Variants in MFSD6 observed in about 807,000 individuals in gnomAD.
MFSD6 encodes the protein major facilitator superfamily domain-containing protein 6.
MFSD6 carries 26 observed loss-of-function variants against 56.3 expected under a neutral mutation model. The ratio of observed to expected loss-of-function variants is 0.46; its 90% CI spans 0.34 to 0.64. MFSD6 has a LOEUF of 0.64. Among genes scored for constraint, MFSD6 ranks in the 30% least tolerant of loss-of-function variants. MFSD6 has a pLI of 0.01. For synonymous variants in MFSD6, 331 were observed against 366.9 expected (o/e 0.90, Z 1.12); for missense variants, 750 against 986.2 (o/e 0.76, Z 3.21).
In MFSD6 at chr2:190,435,929, A is replaced by G. The variant is rs1686160971; in HGVS notation, c.-53-48A>G. 8.5e-6 allele frequency: 12 copies of G among 1,414,878 alleles called. No homozygotes were observed. In the South Asian group the frequency reaches 1.5e-4, roughly 17 times the overall value. The allele number at this position is 1,414,878 out of a possible 1,614,324, so 87.6% of individuals were successfully genotyped here. A position where few individuals can be genotyped will look rare whatever the true frequency, so the allele number is the denominator to read the frequency against. Reference sequence around the variant, plus strand: ...CTGCAAGATGAAGTTCTGTGTTTACATGTTATGATTTTCATTACTAAGCCA... The same window carrying G: ...CTGCAAGATGAAGTTCTGTGTTTACGTGTTATGATTTTCATTACTAAGCCA... On this transcript the variant is annotated intron_variant, in intron 2 of 7. Coordinates refer to ENST00000392328, the MANE Select transcript of MFSD6 (RefSeq NM_017694.4).
Position 190,434,932 on chromosome 2 carries a change from G to A in MFSD6, c.-53-1045G>A, listed in dbSNP as rs768584295. On this transcript the variant is annotated intron_variant, in intron 2 of 7. Transcript: ENST00000392328. This position sits in a 1 kb window ranked among gnomAD's most constrained non-coding sequence, Gnocchi z 4.3. The stretch of plus-strand genomic sequence containing the variant: ...AGCTCTTCCTCCTGTCAGATCAGCA[G>A]AGGTATTAGATTTGCATAGGAGCAT... Among the ~76,000 whole-genome samples, 5 of 152,196 alleles carry A rather than the reference G, an allele frequency of 3.3e-5. No homozygotes were observed. The highest frequency in any genetic ancestry group is 7.4e-5 in the Non-Finnish European group (5 of 68,024).
Position 190,488,530 on chromosome 2 carries a change from T to A in MFSD6, c.1631-127T>A, listed in dbSNP as rs1035785319. 4.4e-6 allele frequency: 4 copies of A among 914,760 alleles called. No individual in the cohort carries two copies. The highest frequency in any genetic ancestry group is 3.4e-5 in the African/African-American group (2 of 58,300). 56.7% of individuals were successfully genotyped at this position (914,760 alleles called of 1,614,324 possible). On this transcript the variant is annotated intron_variant, in intron 4 of 7. Coordinates refer to ENST00000392328, the MANE Select transcript of MFSD6 (RefSeq NM_017694.4). This position sits in a 1 kb window ranked among gnomAD's most constrained non-coding sequence, Gnocchi z 6.4. Reference sequence around the variant, plus strand: ...CATTTAAAAATGTGAAAATGGTAAATTTTTAATGTATGTTTTCCCACAACA... The same window carrying A: ...CATTTAAAAATGTGAAAATGGTAAAATTTTAATGTATGTTTTCCCACAACA...
chr2:190,412,835 C>A lies in MFSD6; in HGVS notation c.-175-2457C>A, dbSNP rs988026219. 6.6e-6 allele frequency among the ~76,000 whole-genome samples: 1 copy of A among 152,124 alleles called. No homozygotes were observed. The highest frequency in any genetic ancestry group is 2.4e-5 in the African/African-American group (1 of 41,410). On this transcript the variant is annotated intron_variant, in intron 1 of 7. Transcript: ENST00000392328. The surrounding 1 kb of genome is among the most constrained non-coding windows in gnomAD (Gnocchi z 4.1). ...TTGCTTTGTAGCTGTTTTTGATTGC[C>A]CACATTTGGATGATATTTATTTACT... is the stretch of plus-strand genomic sequence containing the variant.
In MFSD6 at chr2:190,445,343, C is replaced by T. The variant is rs6733400; in HGVS notation, c.1532+7782C>T. Among the ~76,000 whole-genome samples, 1,175 of 151,918 alleles carry T rather than the reference C, an allele frequency of 7.7e-3. 12 individuals carry two copies. The highest frequency in any genetic ancestry group is 0.026 in the African/African-American group (1,082 of 41,418). The stretch of plus-strand genomic sequence containing the variant: ...ATTTGAGTGTTAGTTCCATTTAACT[C>T]ATCAGAGTATTTAAGAAAATGTAGA... On this transcript the variant is annotated intron_variant, in intron 3 of 7. Coordinates refer to ENST00000392328, the MANE Select transcript of MFSD6 (RefSeq NM_017694.4).
At chr2:190,448,958 A>C (rs989408354) in intron 3 of MFSD6, among the ~76,000 whole-genome samples, 2 of 152,216 alleles carry the variant, frequency 1.3e-5, no homozygotes, top group Non-Finnish European at 2.9e-5. Context: ...GTATATGCAT[A>C]TGCATGTGTG....
intron 3 of MFSD6, among the ~76,000 whole-genome samples, chr2:190,453,741 G>T (rs1271132974): frequency 6.6e-6 from 1 of 152,216 alleles, no homozygotes; most frequent in Non-Finnish European, 1.5e-5. Context: ...GGGCATTTCT[G>T]TGGGACTGGA....
chr2:190,485,135 A>G lies in MFSD6; in HGVS notation c.1631-3522A>G, dbSNP rs1574235374. ...AGTCATCCCACTGGAAAATGCTTTA[A>G]TTATCTTAGAACACTCAAAGTTTTA... On this transcript the variant is annotated intron_variant, in intron 4 of 7. Coordinates refer to ENST00000392328, the MANE Select transcript of MFSD6 (RefSeq NM_017694.4). The surrounding 1 kb of genome is among the most constrained non-coding windows in gnomAD (Gnocchi z 5.1). 6.6e-6 allele frequency among the ~76,000 whole-genome samples: 1 copy of G among 152,220 alleles called. No individual in the cohort carries two copies. The highest frequency in any genetic ancestry group is 2.1e-4 in the South Asian group (1 of 4,836).
At position 190,442,062 on chromosome 2, in the gene MFSD6, G is replaced by C. The variant is rs186469002; in HGVS notation, c.1532+4501G>C. On this transcript the variant is annotated intron_variant, in intron 3 of 7. Transcript: ENST00000392328. ...ATTATTGATTAAAAAGCAAAAAGAT[G>C]GTAGACCTTAAATAACTTTTTCCCC... is the stretch of plus-strand genomic sequence containing the variant. Among the ~76,000 whole-genome samples the C allele has an allele frequency of 2.5e-3, 380 of 152,210 alleles. 2 individuals are homozygous for C. Among genetic ancestry groups the C allele is most frequent in the African/African-American group, 8.8e-3 (365 of 41,540 alleles).
At position 190,497,919 on chromosome 2, in the gene MFSD6, C is replaced by T. The variant is rs1014514450; in HGVS notation, c.2172+200C>T. On this transcript the variant is annotated intron_variant, in intron 7 of 7. Transcript: ENST00000392328. This position sits in a 1 kb window ranked among gnomAD's most constrained non-coding sequence, Gnocchi z 5.2. ...AAGGTCCCATAGAGAGAATATTCTG[C>T]CTTATGGAGTTCAGGAAAACTTCAG... 4.0e-6 allele frequency: 2 copies of T among 505,438 alleles called. No homozygotes were observed. Among genetic ancestry groups the T allele is most frequent in the South Asian group, 4.1e-5 (1 of 24,176 alleles). The allele number at this position is 505,438 out of a possible 1,614,324, so 31.3% of individuals were successfully genotyped here. A position where few individuals can be genotyped will look rare whatever the true frequency, so the allele number is the denominator to read the frequency against.
At chr2:190,484,937 A>G (rs571085909) in intron 4 of MFSD6, among the ~76,000 whole-genome samples, 3 of 152,176 alleles carry the variant, frequency 2.0e-5, no homozygotes, top group South Asian at 2.1e-4. Flanking sequence ...GTGCTTTACT[A>G]TTTTTTCCTT....
intron 1 of MFSD6, among the ~76,000 whole-genome samples, chr2:190,414,420 A>G (rs1327192655): frequency 1.3e-5 from 2 of 152,236 alleles, no homozygotes; most frequent in Non-Finnish European, 2.9e-5. Context: ...AATATGCCCC[A>G]ATTCACATTT....
At position 190,418,496 on chromosome 2, in the gene MFSD6, C is replaced by T. The variant is rs992017740; in HGVS notation, c.-54+3083C>T. Among the ~76,000 whole-genome samples the T allele has an allele frequency of 6.6e-6, 1 of 152,028 alleles. No individual in the cohort carries two copies. The highest frequency in any genetic ancestry group is 2.4e-5 in the African/African-American group (1 of 41,398). On this transcript the variant is annotated intron_variant, in intron 2 of 7. Transcript: ENST00000392328. This position sits in a 1 kb window ranked among gnomAD's most constrained non-coding sequence, Gnocchi z 4.1. ...GGTGGTTGGGCACAGTGGCCCACACCTGTAATTCCAGTACTTTAGGAGGCT... is the reference window on the plus strand; with the variant it reads ...GGTGGTTGGGCACAGTGGCCCACACTTGTAATTCCAGTACTTTAGGAGGCT...
At position 190,494,039 on chromosome 2, in the gene MFSD6, A is replaced by AG. The variant is rs1306067087; in HGVS notation, c.1892-3400_1892-3399insG. 2.0e-5 allele frequency among the ~76,000 whole-genome samples: 3 copies of AG among 152,182 alleles called. No homozygotes were observed. The highest frequency in any genetic ancestry group is 4.4e-5 in the Non-Finnish European group (3 of 68,024). Reference sequence around the variant, plus strand: ...ATAACTAAATGAAATTGAAGGAAAAAAAATACAAAAAATAAATGAAACAAA... The same window carrying AG: ...ATAACTAAATGAAATTGAAGGAAAAAGAAATACAAAAAATAAATGAAACAAA... On this transcript the variant is annotated intron_variant, in intron 6 of 7. Coordinates refer to ENST00000392328, the MANE Select transcript of MFSD6 (RefSeq NM_017694.4). The surrounding 1 kb of genome is among the most constrained non-coding windows in gnomAD (Gnocchi z 5.7).
At position 190,489,808 on chromosome 2, in the gene MFSD6, G is replaced by A. The variant is rs747308538; in HGVS notation, c.1833G>A (p.Leu611=). ...TCCGAGGAATTGGCATGGCCTGCTT[G>A]GTGATCCTACTGCTCTTTGCCCTGA... is the stretch of plus-strand genomic sequence containing the variant. The part of the protein sequence containing the change: ...ATFRGIGMAC[L]VILLLFALIQ... Residue 611 remains leucine (L), a synonymous_variant, in exon 6 of 8, where the codon TTG becomes TTA. Coordinates refer to ENST00000392328, the MANE Select transcript of MFSD6 (RefSeq NM_017694.4). This position sits in a 1 kb window ranked among gnomAD's most constrained non-coding sequence, Gnocchi z 6.6. The A allele has an allele frequency of 6.2e-7, 1 of 1,614,186 alleles. No homozygotes were observed. The highest frequency in any genetic ancestry group is 1.7e-5 in the Admixed American group (1 of 60,026).
chr2:190,479,264 A>AT (rs1292515610), intron 4 of MFSD6, among the ~76,000 whole-genome samples: 1 of 152,208 alleles, frequency 6.6e-6, no homozygotes, highest in Non-Finnish European at 1.5e-5. Flanking sequence ...TCTTGCAGCT[A>AT]TATCTTTTTA....
chr2:190,488,827 G>A lies in MFSD6; in HGVS notation c.1792+9G>A. 2 of 1,531,906 alleles carry A rather than the reference G, an allele frequency of 1.3e-6. No individual in the cohort carries two copies. The highest frequency in any genetic ancestry group is 1.8e-6 in the Non-Finnish European group (2 of 1,141,466). The allele number at this position is 1,531,906 out of a possible 1,614,324, so 94.9% of individuals were successfully genotyped here. On this transcript the variant is annotated intron_variant, in intron 5 of 7. Transcript: ENST00000392328. This position sits in a 1 kb window ranked among gnomAD's most constrained non-coding sequence, Gnocchi z 6.4. ...GTTAGTCAATTATTTTGGTAAGAAT[G>A]GCTTTCTCCTTTTTTTTCTTTTCTA...
rs966604289 is a variant in MFSD6 at position 190,488,452 on chromosome 2, T to C, written c.1631-205T>C. Among the ~76,000 whole-genome samples, 1 of 152,208 alleles carries C rather than the reference T, an allele frequency of 6.6e-6. No individual in the cohort carries two copies. The highest frequency in any genetic ancestry group is 2.4e-5 in the African/African-American group (1 of 41,444). On this transcript the variant is annotated intron_variant, in intron 4 of 7. Transcript: ENST00000392328. This position sits in a 1 kb window ranked among gnomAD's most constrained non-coding sequence, Gnocchi z 6.4. Reference sequence around the variant, plus strand: ...GTGGTGAAAAAGTTCTGGAGATGGATGGTGGTGACAGCTGCACAACACTGT... The same window carrying C: ...GTGGTGAAAAAGTTCTGGAGATGGACGGTGGTGACAGCTGCACAACACTGT...
rs898901406 is a variant in MFSD6 at position 190,463,494 on chromosome 2, T to A, written c.1533-6264T>A. Among the ~76,000 whole-genome samples, 11 of 151,590 alleles carry A rather than the reference T, an allele frequency of 7.3e-5. No homozygotes were observed. Among genetic ancestry groups the A allele is most frequent in the Admixed American group, 3.3e-4 (5 of 15,216 alleles). On this transcript the variant is annotated intron_variant, in intron 3 of 7. Transcript: ENST00000392328. This position sits in a 1 kb window ranked among gnomAD's most constrained non-coding sequence, Gnocchi z 4.4. Reference sequence around the variant, plus strand: ...TCTATAACAATTCTGAAAAAAAAATTTTTTTTAGGGACAAGTTTATATAGA... The same window carrying A: ...TCTATAACAATTCTGAAAAAAAAATATTTTTTAGGGACAAGTTTATATAGA...
At position 190,438,215 on chromosome 2, in the gene MFSD6, T is replaced by TA. The variant is rs11379456; in HGVS notation, c.1532+665dup. On this transcript the variant is annotated intron_variant, in intron 3 of 7. Coordinates refer to ENST00000392328, the MANE Select transcript of MFSD6 (RefSeq NM_017694.4). The surrounding 1 kb of genome is among the most constrained non-coding windows in gnomAD (Gnocchi z 5.2). ...ATTTCCCATGTAATTCTTTTAGTTATAAAAAAAAAAATCTATAGGCTGGGC... is the reference window on the plus strand; with the variant it reads ...ATTTCCCATGTAATTCTTTTAGTTATAAAAAAAAAAAATCTATAGGCTGGGC... Among the ~76,000 whole-genome samples the TA allele has an allele frequency of 0.89, 133,121 of 148,968 alleles. 59,767 individuals carry two copies. Among genetic ancestry groups the TA allele is most frequent in the East Asian group, 0.98 (4,991 of 5,106 alleles).
Sources: gnomAD v4.1 joint callset for allele counts (sites outside exome capture counted in the v4.1 genomes callset) on GRCh38, gnomAD v4.1.1 for gene constraint, Gnocchi (gnomAD v3.1) non-coding constraint, MANE v1.5 for transcripts, NCBI Gene and HGNC (gene_info 2026-07-23, HGNC 2026-07-21) for gene names.